The following OCA2 variants were observed in gnomAD, a reference collection of about 807,000 sequenced individuals.
OCA2 encodes P protein.
In OCA2, 77 loss-of-function variants were observed where a neutral mutation model predicts 100.2. That is an observed-to-expected ratio of 0.77 (90% CI 0.64 to 0.93). The LOEUF (loss-of-function observed/expected upper bound fraction) is 0.93, where lower values mean the gene tolerates loss of function less well. Among genes scored for constraint, OCA2 ranks in the 40% least tolerant of loss-of-function variants. The probability of loss-of-function intolerance (pLI) is 0.00; values close to 1 mark genes in which losing one functional copy is unlikely to be tolerated. For synonymous variants in OCA2, 432 were observed against 439.2 expected, an observed-to-expected ratio of 0.98 and a Z score of 0.21; for missense variants, 1,062 against 1,089.1, an observed-to-expected ratio of 0.98 and a Z score of 0.35.
At chr15:27,910,972 G>GA (rs537240914) in intron 19 of OCA2, among the ~76,000 whole-genome samples, 1 of 150,730 alleles carries the variant, frequency 6.6e-6, no homozygotes, top group African/African-American at 2.4e-5. Flanking sequence ...AAGAAAGAAA[G>GA]AAAAAAAAGA....
chr15:27,955,088 G>T, intron 17 of OCA2, 70 bp downstream of exon 17: 1 of 1,095,782 alleles, frequency 9.1e-7, no homozygotes. Context: ...CGTGAGGGAA[G>T]GAAAAGGCAT....
At chr15:27,793,996 G>A (rs1456612670) in intron 23 of OCA2, among the ~76,000 whole-genome samples, 1 of 152,156 alleles carries the variant, frequency 6.6e-6, no homozygotes, top group African/African-American at 2.4e-5. Flanking sequence ...ACTGGGGGCT[G>A]GGGAGATGTC....
chr15:27,751,794 C>T (rs115757689), downstream of OCA2, among the ~76,000 whole-genome samples: 1,043 of 152,300 alleles, frequency 6.8e-3, 17 homozygotes, highest in African/African-American at 0.023. Flanking sequence ...CCCTGCCTTC[C>T]TGTTCTGACT....
intron 19 of OCA2, among the ~76,000 whole-genome samples, chr15:27,887,699 G>A (rs1823273): frequency 0.42 from 60,789 of 144,860 alleles, 13,674 homozygotes; most frequent in East Asian, 0.61. Flanking sequence ...ACAGGAGCCC[G>A]GGAAAATGGG....
Position 27,943,333 on chromosome 15 carries a change from C to T in OCA2, c.1951+8451G>A, listed in dbSNP as rs184278695. On this transcript the variant is annotated intron_variant, in intron 18 of 23. Coordinates refer to ENST00000354638, the MANE Select transcript of OCA2 (RefSeq NM_000275.3). ...ATAGAATAGATGTAGCAATAAGATACCAAATTCCATCCTGACTCTAGTATA... is the reference window on the plus strand; with the variant it reads ...ATAGAATAGATGTAGCAATAAGATATCAAATTCCATCCTGACTCTAGTATA... 4.0e-5 allele frequency among the ~76,000 whole-genome samples: 6 copies of T among 151,788 alleles called. No homozygotes were observed. The South Asian group carries it at 8.4e-4, about 21-fold the overall frequency.
At chr15:27,762,173 C>G (rs2030892335) in intron 23 of OCA2, among the ~76,000 whole-genome samples, 1 of 152,106 alleles carries the variant, frequency 6.6e-6, no homozygotes, top group African/African-American at 2.4e-5. Flanking sequence ...AATTTCCCAT[C>G]CCTCACCCTC....
Position 27,957,677 on chromosome 15 carries a change from G to A in OCA2, c.1695C>T (p.Ser565=), listed in dbSNP as rs2040272414. Residue 565 remains serine, a synonymous_variant, in exon 16 of 24, where the codon AGC becomes AGT. Coordinates refer to ENST00000354638, the MANE Select transcript of OCA2 (RefSeq NM_000275.3). The surrounding 1 kb of genome is among the most constrained non-coding windows in gnomAD (Gnocchi z 4.3). ...RLTAQRISPA[S]REETAVRRLL... ...GGCGGCGCACAGCTGTCTCCTCGCGGCTGGCCGGGCTGATGCGCTGAGCAG... is the reference window on the plus strand; with the variant it reads ...GGCGGCGCACAGCTGTCTCCTCGCGACTGGCCGGGCTGATGCGCTGAGCAG... 1.2e-6 allele frequency: 2 copies of A among 1,613,094 alleles called. No homozygotes were observed. The highest frequency in any genetic ancestry group is 1.7e-6 in the Non-Finnish European group (2 of 1,180,008).
intron 19 of OCA2, among the ~76,000 whole-genome samples, chr15:27,900,611 G>T (rs1294029759): frequency 6.6e-6 from 1 of 152,198 alleles, no homozygotes; most frequent in Non-Finnish European, 1.5e-5. Context: ...GCATTTCATT[G>T]GAAGCTGAGA....
intron 2 of OCA2, among the ~76,000 whole-genome samples, chr15:28,045,003 CT>C (rs1158802146): frequency 6.6e-6 from 1 of 151,914 alleles, no homozygotes; most frequent in African/African-American, 2.4e-5. Flanking sequence ...CAATGTCTAC[CT>C]TTTAATCGAG....
chr15:27,941,994 G>C (rs572601076), intron 18 of OCA2, among the ~76,000 whole-genome samples: 1 of 152,146 alleles, frequency 6.6e-6, no homozygotes, highest in East Asian at 1.9e-4. Flanking sequence ...CATAATCAAG[G>C]ACACACACAA....
At chr15:27,744,200 C>A in the OCA2 span, among the ~76,000 whole-genome samples, 1 of 152,158 alleles carries the variant, frequency 6.6e-6, no homozygotes, top group African/African-American at 2.4e-5. Context: ...CCCTCCGCAC[C>A]CTCAGCCTGG....
chr15:27,850,477 CT>C (rs2035706483), intron 22 of OCA2, among the ~76,000 whole-genome samples: 1 of 152,134 alleles, frequency 6.6e-6, no homozygotes, highest in South Asian at 2.1e-4. Context: ...TCTGCATTGC[CT>C]TCCCGGGACT....
At chr15:27,741,502 G>GAAAGGATGGGT in the OCA2 span, among the ~76,000 whole-genome samples, 5 of 152,230 alleles carry the variant, frequency 3.3e-5, no homozygotes, top group Non-Finnish European at 7.3e-5. Context: ...GTGGACATGA[G>GAAAGGATGGGT]AAAGGATGGG....
intron 2 of OCA2, among the ~76,000 whole-genome samples, chr15:28,046,226 G>C (rs963456381): frequency 6.6e-6 from 1 of 152,180 alleles, no homozygotes; most frequent in African/African-American, 2.4e-5. Context: ...AGAAGGAAAT[G>C]GGTGGCTCAC....
intron 15 of OCA2, among the ~76,000 whole-genome samples, chr15:27,965,745 C>T (rs539082271): frequency 1.3e-5 from 2 of 152,320 alleles, no homozygotes; most frequent in African/African-American, 2.4e-5. Context: ...TCGCCTGATG[C>T]CCCTGTTACC....
At chr15:27,876,644 T>C (rs77626892) in intron 19 of OCA2, among the ~76,000 whole-genome samples, 8,371 of 152,126 alleles carry the variant, frequency 0.055, 784 homozygotes, top group African/African-American at 0.19. Flanking sequence ...TTTGATTTTC[T>C]ATTAAAACGA....
At chr15:27,862,477 A>AT (rs57715276) in intron 21 of OCA2, among the ~76,000 whole-genome samples, 51,356 of 145,160 alleles carry the variant, frequency 0.35, 10,469 homozygotes, top group East Asian at 0.59. Flanking sequence ...CTCCTCAGAC[A>AT]TTTTTTTTTT....
At chr15:28,018,587 C>T in intron 6 of OCA2, 30 bp from the exon 7 acceptor site, 1 of 1,607,690 alleles carries the variant, frequency 6.2e-7, no homozygotes, top group Non-Finnish European at 8.5e-7. Flanking sequence ...AACCACAAGG[C>T]AGACAGGAGA....
intron 14 of OCA2, among the ~76,000 whole-genome samples, chr15:27,979,065 C>T (rs78739174): frequency 0.026 from 3,944 of 152,250 alleles, 190 homozygotes; most frequent in African/African-American, 0.09. Context: ...GTTCCATTTA[C>T]AATTTTTCAA....
Sources: gnomAD v4.1 joint callset for allele counts (sites outside exome capture counted in the v4.1 genomes callset) on GRCh38, gnomAD v4.1.1 for gene constraint, Gnocchi (gnomAD v3.1) non-coding constraint, MANE v1.5 for transcripts, NCBI Gene and HGNC (gene_info 2026-07-23, HGNC 2026-07-21) for gene names.